The following SEMA6D variants were observed in gnomAD, a reference collection of about 807,000 sequenced individuals.
SEMA6D encodes semaphorin-6D.
Under a neutral mutation model 106.6 loss-of-function variants are expected in SEMA6D, and 35 were observed. The ratio of observed to expected loss-of-function variants is 0.33; its 90% CI spans 0.25 to 0.44. The LOEUF is 0.44. Ranked by LOEUF, SEMA6D falls within the 20% of genes least tolerant of loss-of-function variation. The pLI is 1.00. For synonymous variants in SEMA6D, 499 were observed against 487.7 expected (o/e 1.02, Z -0.31); for missense variants, 1,185 against 1,345.9 (o/e 0.88, Z 1.87).
chr15:47,689,403 T>TA (rs1226169962), intron 4 of SEMA6D, among the ~76,000 whole-genome samples: 2 of 152,290 alleles, frequency 1.3e-5, no homozygotes, highest in African/African-American at 2.4e-5. Context: ...TAAACACATA[T>TA]AAAATTACAC....
chr15:47,321,446 C>T (rs1253239618), intron 1 of SEMA6D, among the ~76,000 whole-genome samples: 2 of 152,116 alleles, frequency 1.3e-5, no homozygotes, highest in Non-Finnish European at 2.9e-5. Flanking sequence ...TGGACATTAA[C>T]CACAATCTCA....
intron 1 of SEMA6D, among the ~76,000 whole-genome samples, chr15:47,200,571 A>C (rs2141066248): frequency 6.6e-6 from 1 of 152,320 alleles, no homozygotes; most frequent in African/African-American, 2.4e-5. Context: ...CTAGTGAATT[A>C]CTAAAATAAA....
chr15:47,717,668 T>G lies in SEMA6D; in HGVS notation c.-79T>G, dbSNP rs928828217. The G allele has an allele frequency of 1.3e-5, 2 of 152,328 alleles. No individual in the cohort carries two copies. The highest frequency in any genetic ancestry group is 1.9e-4 in the East Asian group (1 of 5,164). The allele number at this position is 152,328 out of a possible 1,614,324, so 9.4% of individuals were successfully genotyped here. On this transcript the variant is annotated 5_prime_UTR_variant, in exon 1 of 19. Transcript: ENST00000536845. ...AAGCTTTTTTTTTTCTTTTTCTTTTTTCTTACCAGCCTCCCCCCAATGAGG... is the reference window on the plus strand; with the variant it reads ...AAGCTTTTTTTTTTCTTTTTCTTTTGTCTTACCAGCCTCCCCCCAATGAGG...
At chr15:47,760,251 G>A in intron 2 of SEMA6D, 53 bp from the exon 3 acceptor site, 3 of 1,272,010 alleles carry the variant, frequency 2.4e-6, no homozygotes, top group Non-Finnish European at 3.4e-6. Context: ...GCTGTTTATT[G>A]ATCCCTCAGC....
chr15:47,193,615 A>G (rs1458588905), intron 1 of SEMA6D, among the ~76,000 whole-genome samples: 1 of 151,962 alleles, frequency 6.6e-6, no homozygotes, highest in African/African-American at 2.4e-5. Context: ...ATCAACTTCA[A>G]TTCTCACCAC....
At chr15:47,480,248 T>G in intron 3 of SEMA6D, among the ~76,000 whole-genome samples, 1 of 152,176 alleles carries the variant, frequency 6.6e-6, no homozygotes, top group Admixed American at 6.6e-5. Flanking sequence ...CTTCCCCAAT[T>G]TTATCTCTTC....
chr15:47,317,163 A>G (rs1225722268), intron 1 of SEMA6D, among the ~76,000 whole-genome samples: 3 of 152,112 alleles, frequency 2.0e-5, no homozygotes, highest in Non-Finnish European at 1.5e-5. Context: ...GAACTGGCCC[A>G]TTTTATCTAA....
At chr15:47,622,437 A>G (rs1005493098) in intron 4 of SEMA6D, among the ~76,000 whole-genome samples, 2 of 152,310 alleles carry the variant, frequency 1.3e-5, no homozygotes, top group East Asian at 1.9e-4. Flanking sequence ...CAAAGGAAGC[A>G]TCACAGAAGC....
chr15:47,431,889 T>G (rs2041540223), intron 2 of SEMA6D, among the ~76,000 whole-genome samples: 3 of 152,166 alleles, frequency 2.0e-5, no homozygotes, highest in Admixed American at 2.0e-4. Context: ...AGCCTCTTAT[T>G]TATTTCATAA....
chr15:47,518,488 A>G (rs1274663955), intron 3 of SEMA6D, among the ~76,000 whole-genome samples: 1 of 152,234 alleles, frequency 6.6e-6, no homozygotes, highest in Admixed American at 6.5e-5. Flanking sequence ...GAATGTACTT[A>G]TACCAATCTA....
At chr15:47,261,462 A>G (rs973629795) in intron 1 of SEMA6D, among the ~76,000 whole-genome samples, 2 of 152,148 alleles carry the variant, frequency 1.3e-5, no homozygotes, top group Admixed American at 6.6e-5. Context: ...TAGAATTTTT[A>G]GTATTTAAAT....
intron 3 of SEMA6D, among the ~76,000 whole-genome samples, chr15:47,507,181 G>A (rs2044069497): frequency 6.6e-6 from 1 of 152,166 alleles, no homozygotes; most frequent in Non-Finnish European, 1.5e-5. Flanking sequence ...TTGGCCCAAT[G>A]ATGAGAAAAC....
At chr15:47,653,315 ACT>A (rs1418280493) in intron 4 of SEMA6D, among the ~76,000 whole-genome samples, 1 of 152,186 alleles carries the variant, frequency 6.6e-6, no homozygotes, top group Non-Finnish European at 1.5e-5. Context: ...AAGAAACTTG[ACT>A]CTGCGGGAAA....
chr15:47,253,895 G>A (rs556362972), intron 1 of SEMA6D, among the ~76,000 whole-genome samples: 18 of 152,138 alleles, frequency 1.2e-4, no homozygotes, highest in East Asian at 3.9e-4. Flanking sequence ...AAAGAACGTC[G>A]TTGATACTTT....
chr15:47,408,921 C>T (rs1264261550), intron 1 of SEMA6D, among the ~76,000 whole-genome samples: 1 of 152,174 alleles, frequency 6.6e-6, no homozygotes, highest in African/African-American at 2.4e-5. Flanking sequence ...TATAGTTCCC[C>T]ACTGGACACT....
At chr15:47,313,403 T>C (rs1377389393) in intron 1 of SEMA6D, among the ~76,000 whole-genome samples, 1 of 152,212 alleles carries the variant, frequency 6.6e-6, no homozygotes. Context: ...TTCTTTCATT[T>C]AGTAATATGC....
chr15:47,688,119 A>G (rs749910763), intron 4 of SEMA6D, among the ~76,000 whole-genome samples: 3 of 152,162 alleles, frequency 2.0e-5, no homozygotes, highest in Non-Finnish European at 4.4e-5. Flanking sequence ...AGAGAATTAG[A>G]TATAAAATAT....
intron 4 of SEMA6D, among the ~76,000 whole-genome samples, chr15:47,689,017 T>G (rs1299837259): frequency 6.6e-6 from 1 of 152,172 alleles, no homozygotes; most frequent in Non-Finnish European, 1.5e-5. Flanking sequence ...ACAAATATAA[T>G]GGATTTAATA....
At chr15:47,251,509 A>G (rs892788951) in intron 1 of SEMA6D, among the ~76,000 whole-genome samples, 7 of 152,148 alleles carry the variant, frequency 4.6e-5, no homozygotes, top group Non-Finnish European at 7.3e-5. Flanking sequence ...ACCATTTCCA[A>G]TTGCCATCCT....
Sources: gnomAD v4.1 joint callset for allele counts (sites outside exome capture counted in the v4.1 genomes callset) on GRCh38, gnomAD v4.1.1 for gene constraint, MANE v1.5 for transcripts, NCBI Gene and HGNC (gene_info 2026-07-23, HGNC 2026-07-21) for gene names.